Variants in PPM1G observed in about 807,000 individuals in gnomAD.
The protein encoded by PPM1G is protein phosphatase 1G.
In PPM1G, 12 loss-of-function variants were observed where a neutral mutation model predicts 59.4. The observed-to-expected ratio is 0.20, with a 90% confidence interval of 0.13 to 0.33. PPM1G has a LOEUF of 0.33. Among genes scored for constraint, PPM1G ranks in the 10% least tolerant of loss-of-function variants. The pLI, the probability that PPM1G is intolerant of heterozygous loss-of-function variation, is 1.00. For missense variants in PPM1G, 392 were observed against 681.3 expected, an observed-to-expected ratio of 0.58 and a Z score of 4.73; for synonymous variants, 245 against 251.9, an observed-to-expected ratio of 0.97 and a Z score of 0.26.
Position 27,381,408 on chromosome 2 carries a change from T to C in PPM1G, c.*191A>G, listed in dbSNP as rs780172546. 11 of 622,954 alleles carry C rather than the reference T, an allele frequency of 1.8e-5. No individual in the cohort carries two copies. The highest frequency in any genetic ancestry group is 2.8e-5 in the Non-Finnish European group (10 of 353,840). 38.6% of individuals were successfully genotyped at this position (622,954 alleles called of 1,614,324 possible). A position where few individuals can be genotyped will look rare whatever the true frequency, so the allele number is the denominator to read the frequency against. ...GATGAGCCCGAGGAGCAGAGGCGGC[T>C]GGGAAGGACAGCAGAGGCTCCCGGC... On this transcript the variant is annotated 3_prime_UTR_variant, in exon 10 of 10. Coordinates refer to ENST00000344034, the MANE Select transcript of PPM1G (RefSeq NM_177983.3).
chr2:27,406,559 A>G (rs1201787220), intron 1 of PPM1G, among the ~76,000 whole-genome samples: 1 of 152,248 alleles, frequency 6.6e-6, no homozygotes, highest in Non-Finnish European at 1.5e-5. Context: ...CAGGAGGAAG[A>G]TTAGGATGTA....
rs1246952389 is a variant in PPM1G, at chr2:27,409,314, C to T, written c.109G>A (p.Val37Ile). 10 of 1,549,180 alleles carry T rather than the reference C, an allele frequency of 6.5e-6. No individual in the cohort carries two copies. The highest frequency in any genetic ancestry group is 1.9e-5 in the Admixed American group (1 of 51,966). The change falls in exon 1 of 10, where the codon GTC (valine) becomes ATC (isoleucine). Residue 37 changes from valine (V) to isoleucine (I), a missense_variant. This residue lies in a region of PPM1G where 68 missense variants were observed against 145.9 expected (regional missense o/e 0.47). Transcript: ENST00000344034. ...YGFSAMQGWR[V>I]SMEDAHNCIP... is the part of the protein sequence containing the mutation. Reference sequence around the variant, plus strand: ...CCCTGCCTCCTCACCTCCATGGAGACGCGCCAGCCTTGCATGGCGGAGAAG... The same window carrying T: ...CCCTGCCTCCTCACCTCCATGGAGATGCGCCAGCCTTGCATGGCGGAGAAG...
Position 27,383,508 on chromosome 2 carries a change from T to C in PPM1G, c.1059A>G (p.Val353=), listed in dbSNP as rs1383034111. 6 of 1,614,066 alleles carry C rather than the reference T, an allele frequency of 3.7e-6. No individual in the cohort carries two copies. Among genetic ancestry groups the C allele is most frequent in the South Asian group, 2.2e-5 (2 of 91,088 alleles). The change falls in exon 7 of 10, where the codon GTA becomes GTG. Residue 353 remains valine (V), a synonymous_variant. Transcript: ENST00000344034. The surrounding 1 kb of genome is among the most constrained non-coding windows in gnomAD (Gnocchi z 5.0). The stretch of plus-strand genomic sequence containing the variant: ...TGTCTAAAGCTTTGCCAGCCTCAGA[T>C]ACCACACAGCGAGAGTCTCCTGCGT... ...VANAGDSRCV[V]SEAGKALDMS... is the part of the protein sequence containing the mutation.
At chr2:27,388,346 T>C (rs1367355880) in intron 1 of PPM1G, among the ~76,000 whole-genome samples, 6 of 151,602 alleles carry the variant, frequency 4.0e-5, no homozygotes, top group Admixed American at 6.6e-5. Flanking sequence ...GAGGTGGAAG[T>C]TGCAGTGAGC....
intron 1 of PPM1G, among the ~76,000 whole-genome samples, chr2:27,397,345 G>C (rs1247715902): frequency 1.3e-5 from 2 of 152,068 alleles, no homozygotes; most frequent in Admixed American, 6.6e-5. Flanking sequence ...CATTCTATGA[G>C]GCCAGCATTA....
At chr2:27,388,306 G>A (rs1192762579) in intron 1 of PPM1G, among the ~76,000 whole-genome samples, 1 of 151,848 alleles carries the variant, frequency 6.6e-6, no homozygotes, top group African/African-American at 2.4e-5. Context: ...CTACTCGGAA[G>A]GGTGAGGCAG....
At position 27,382,355 on chromosome 2, in the gene PPM1G, G is replaced by A; in HGVS notation, c.1331+121C>T. On this transcript the variant is annotated intron_variant, in intron 8 of 9. Transcript: ENST00000344034. The surrounding 1 kb of genome is among the most constrained non-coding windows in gnomAD (Gnocchi z 4.2). ...AATTCTCAGCTCTGCCTTAGTCTGG[G>A]TGCTCTTCACCCACCAAGAGGCCTA... 1 of 1,557,308 alleles carries A rather than the reference G, an allele frequency of 6.4e-7. No homozygotes were observed. The highest frequency in any genetic ancestry group is 8.8e-7 in the Non-Finnish European group (1 of 1,139,870).
At chr2:27,407,558 C>T (rs898053992) in intron 1 of PPM1G, among the ~76,000 whole-genome samples, 1 of 152,124 alleles carries the variant, frequency 6.6e-6, no homozygotes, top group African/African-American at 2.4e-5. Context: ...TGAGCCACTG[C>T]GCCCAGCCTA....
At chr2:27,389,940 C>A (rs914097482) in intron 1 of PPM1G, among the ~76,000 whole-genome samples, 5 of 152,184 alleles carry the variant, frequency 3.3e-5, no homozygotes, top group Non-Finnish European at 5.9e-5. Flanking sequence ...TGCACTCCAG[C>A]CTGGGTGACA....
chr2:27,381,533 CAA>C lies in PPM1G; in HGVS notation c.*64_*65del. On this transcript the variant is annotated 3_prime_UTR_variant, in exon 10 of 10. Transcript: ENST00000344034. ...CACTGCTAAGGCTAAAGGAAAAAGACAAAACTCAGTCTCAGGTCCGGAGGGCT... is the reference window on the plus strand; with the variant it reads ...CACTGCTAAGGCTAAAGGAAAAAGACAACTCAGTCTCAGGTCCGGAGGGCT... 1.9e-6 allele frequency: 3 copies of C among 1,592,000 alleles called. No homozygotes were observed. The highest frequency in any genetic ancestry group is 2.6e-6 in the Non-Finnish European group (3 of 1,160,844).
In PPM1G at chr2:27,381,584, G is replaced by C; in HGVS notation, c.*15C>G. 1 of 1,614,084 alleles carries C rather than the reference G, an allele frequency of 6.2e-7. No individual in the cohort carries two copies. The highest frequency in any genetic ancestry group is 8.5e-7 in the Non-Finnish European group (1 of 1,179,976). On this transcript the variant is annotated 3_prime_UTR_variant, in exon 10 of 10. Coordinates refer to ENST00000344034, the MANE Select transcript of PPM1G (RefSeq NM_177983.3). Reference sequence around the variant, plus strand: ...CTCAGAAAACAGTCTAGGTGGGCAGGGGTCTGGATGACTGCTAGTCTCGCT... The same window carrying C: ...CTCAGAAAACAGTCTAGGTGGGCAGCGGTCTGGATGACTGCTAGTCTCGCT...
intron 1 of PPM1G, among the ~76,000 whole-genome samples, chr2:27,394,757 A>AG (rs1054020837): frequency 6.6e-6 from 1 of 151,432 alleles, no homozygotes; most frequent in Non-Finnish European, 1.5e-5. Context: ...AAAAAAAAAA[A>AG]AAAAAAAGAT....
chr2:27,387,051 G>A (rs765445879), intron 2 of PPM1G, 38 bp downstream of exon 2: 44 of 1,508,680 alleles, frequency 2.9e-5, no homozygotes, highest in Admixed American at 8.4e-5. Context: ...CTGGAATTGG[G>A]GTCCTAGAAT....
intron 1 of PPM1G, among the ~76,000 whole-genome samples, 159 bp from the exon 2 acceptor site, chr2:27,387,317 A>T (rs1349819967): frequency 2.0e-5 from 3 of 152,220 alleles, no homozygotes; most frequent in Admixed American, 2.0e-4. Context: ...CAGAGGAAGA[A>T]AAGAGGAGGG....
rs1254848358 is a variant in PPM1G, at chr2:27,385,062, G to A, written c.436C>T (p.His146Tyr). Residue 146 changes from histidine (H) to tyrosine (Y), a missense_variant, in exon 5 of 10, where the codon CAT becomes TAT. His to Tyr is a moderately conservative substitution (Grantham distance 83, BLOSUM62 2). Around this residue, in one of 6 missense-constraint regions of PPM1G, gnomAD observed 188 missense variants for 248.8 expected, o/e 0.76. Transcript: ENST00000344034. This position sits in a 1 kb window ranked among gnomAD's most constrained non-coding sequence, Gnocchi z 4.1. ...TCAATAGTCATGGTAGCCTCTTCAT[G>A]CAGCAGTGCAGCCTCCTCATTGTCC... ...DVDNEEAALL[H>Y]EEATMTIEEL... 6.2e-7 allele frequency: 1 copy of A among 1,609,414 alleles called. No homozygotes were observed. Among genetic ancestry groups the A allele is most frequent in the Admixed American group, 1.7e-5 (1 of 59,772 alleles).
chr2:27,389,533 C>T (rs1683848415), intron 1 of PPM1G, among the ~76,000 whole-genome samples: 1 of 152,194 alleles, frequency 6.6e-6, no homozygotes, highest in Admixed American at 6.5e-5. Flanking sequence ...ACCTTTGCTT[C>T]TCTCTATCCC....
chr2:27,398,212 G>A (rs370804636), intron 1 of PPM1G, among the ~76,000 whole-genome samples: 5 of 152,078 alleles, frequency 3.3e-5, no homozygotes, highest in South Asian at 4.2e-4. Flanking sequence ...TCACATTTAC[G>A]GTCAATTTAT....
intron 1 of PPM1G, among the ~76,000 whole-genome samples, chr2:27,408,277 G>A (rs1431534582): frequency 1.3e-5 from 2 of 152,160 alleles, no homozygotes; most frequent in Admixed American, 6.6e-5. Context: ...GTTACCTGAA[G>A]CCCACCCGGT....
Position 27,388,732 on chromosome 2 carries a change from G to A in PPM1G, c.121-1574C>T, listed in dbSNP as rs188035021. 3.0e-4 allele frequency among the ~76,000 whole-genome samples: 45 copies of A among 151,924 alleles called. No homozygotes were observed. The East Asian group carries it at 8.6e-3, about 29-fold the overall frequency. ...CTACTAAAAATACAAAAAATTAGCTGGAGGTGATGGTGGGCGCCTGTAGTC... is the reference window on the plus strand; with the variant it reads ...CTACTAAAAATACAAAAAATTAGCTAGAGGTGATGGTGGGCGCCTGTAGTC... On this transcript the variant is annotated intron_variant, in intron 1 of 9. Transcript: ENST00000344034.
Sources: allele counts gnomAD v4.1 joint callset (sites outside exome capture counted in the v4.1 genomes callset), GRCh38; gene constraint gnomAD v4.1.1; regional missense constraint gnomAD v4.1.1; non-coding constraint Gnocchi (gnomAD v3.1); transcripts MANE v1.5; gene names NCBI Gene and HGNC (gene_info 2026-07-23, HGNC 2026-07-21).